GALNT18: variants seen among roughly 807,000 people sequenced by gnomAD.
GALNT18 encodes polypeptide N-acetylgalactosaminyltransferase 18.
GALNT18 carries 44 observed loss-of-function variants against 69.5 expected under a neutral mutation model. The observed-to-expected ratio is 0.63, with a 90% CI of 0.50 to 0.81. GALNT18 has a LOEUF of 0.81. GALNT18 is among the 40% of genes least tolerant of loss of function. GALNT18 has a pLI of 0.00. For synonymous variants in GALNT18, 364 were observed against 318.2 expected (o/e 1.14, Z -1.53); for missense variants, 715 against 810.0 (o/e 0.88, Z 1.42).
Position 11,271,224 on chromosome 11 carries a change from A to T in GALNT18, c.1744T>A (p.Phe582Ile). The T allele has an allele frequency of 6.2e-7, 1 of 1,614,096 alleles. No homozygotes were observed. The highest frequency in any genetic ancestry group is 8.5e-7 in the Non-Finnish European group (1 of 1,179,994). ...LELQENSDLEFGFQLVLQKCS... is the reference protein window; with the variant it reads ...LELQENSDLEIGFQLVLQKCS... ...TTCTGCAACACCAGCTGGAAGCCGAACTCCAGGTCGCTATTCTCCTGCAGC... is the reference window on the plus strand; with the variant it reads ...TTCTGCAACACCAGCTGGAAGCCGATCTCCAGGTCGCTATTCTCCTGCAGC... Residue 582 changes from phenylalanine to isoleucine, a missense_variant, in exon 11 of 11, where the codon TTC becomes ATC. Coordinates refer to ENST00000227756, the MANE Select transcript of GALNT18 (RefSeq NM_198516.3).
chr11:11,429,053 C>T (rs971605394), intron 3 of GALNT18, among the ~76,000 whole-genome samples: 6 of 152,192 alleles, frequency 3.9e-5, no homozygotes, highest in Admixed American at 1.3e-4. Context: ...GGAAAAATCT[C>T]CCCTCACTGC....
At chr11:11,390,590 G>T (rs551919980) in intron 3 of GALNT18, among the ~76,000 whole-genome samples, 2 of 152,164 alleles carry the variant, frequency 1.3e-5, no homozygotes, top group African/African-American at 4.8e-5. Flanking sequence ...CCTCAGCCTG[G>T]CTGATTCATG....
intron 7 of GALNT18, among the ~76,000 whole-genome samples, chr11:11,335,749 A>G (rs1850100275): frequency 6.6e-6 from 1 of 152,214 alleles, no homozygotes; most frequent in Non-Finnish European, 1.5e-5. Context: ...ACACACATAG[A>G]GACAAAGAGG....
At chr11:11,390,687 T>G (rs1564925038) in intron 3 of GALNT18, among the ~76,000 whole-genome samples, 1 of 152,204 alleles carries the variant, frequency 6.6e-6, no homozygotes, top group Non-Finnish European at 1.5e-5. Flanking sequence ...TTTTCTCTGC[T>G]TCAGAACACC....
chr11:11,578,193 G>A (rs73413624), intron 1 of GALNT18, among the ~76,000 whole-genome samples: 7,589 of 152,138 alleles, frequency 0.05, 626 homozygotes, highest in African/African-American at 0.17. Flanking sequence ...CATGGCATAA[G>A]GGCAGGGAGG....
intron 1 of GALNT18, among the ~76,000 whole-genome samples, chr11:11,451,038 A>T (rs1855783192): frequency 6.6e-6 from 1 of 152,198 alleles, no homozygotes; most frequent in Admixed American, 6.5e-5. Context: ...CATAAAAGCA[A>T]AGTCGGAAAA....
chr11:11,525,779 C>A (rs893750168), intron 1 of GALNT18, among the ~76,000 whole-genome samples: 1 of 151,758 alleles, frequency 6.6e-6, no homozygotes, highest in Non-Finnish European at 1.5e-5. Context: ...GGATTACAGG[C>A]GCCCGCCACC....
At chr11:11,599,089 A>G (rs1363724567) in intron 1 of GALNT18, among the ~76,000 whole-genome samples, 2 of 152,164 alleles carry the variant, frequency 1.3e-5, no homozygotes, top group South Asian at 2.1e-4. Flanking sequence ...GGAGTGAATT[A>G]TAAGTGTCTA....
At chr11:11,423,106 ACT>A (rs1855048546) in intron 3 of GALNT18, among the ~76,000 whole-genome samples, 1 of 152,158 alleles carries the variant, frequency 6.6e-6, no homozygotes, top group African/African-American at 2.4e-5. Context: ...CCACAAGCAC[ACT>A]CACACACAGA....
At chr11:11,479,588 G>GT (rs35949580) in intron 1 of GALNT18, among the ~76,000 whole-genome samples, 70,326 of 151,854 alleles carry the variant, frequency 0.46, 16,567 homozygotes, top group Admixed American at 0.57. Context: ...ACTATTTGAG[G>GT]TTTTTTAACT....
At chr11:11,556,755 G>T (rs933207054) in intron 1 of GALNT18, among the ~76,000 whole-genome samples, 2 of 152,194 alleles carry the variant, frequency 1.3e-5, no homozygotes, top group African/African-American at 4.8e-5. Flanking sequence ...TAGCTAACAG[G>T]AGTGGCTAAT....
At chr11:11,474,526 T>G (rs1590035480) in intron 1 of GALNT18, among the ~76,000 whole-genome samples, 1 of 152,116 alleles carries the variant, frequency 6.6e-6, no homozygotes, top group African/African-American at 2.4e-5. Flanking sequence ...TTCAAAAGAA[T>G]GAATGGAAGG....
At chr11:11,457,608 A>G (rs1281860903) in intron 1 of GALNT18, among the ~76,000 whole-genome samples, 1 of 152,176 alleles carries the variant, frequency 6.6e-6, no homozygotes, top group Non-Finnish European at 1.5e-5. Context: ...GCCACCCAGA[A>G]CGCAGCTCAC....
intron 1 of GALNT18, among the ~76,000 whole-genome samples, chr11:11,578,822 CA>C (rs1858997770): frequency 6.6e-6 from 1 of 152,224 alleles, no homozygotes. Context: ...CAATCCCAGC[CA>C]ACCTTTCCCT....
At chr11:11,516,783 T>C (rs1590066417) in intron 1 of GALNT18, among the ~76,000 whole-genome samples, 1 of 152,188 alleles carries the variant, frequency 6.6e-6, no homozygotes, top group Non-Finnish European at 1.5e-5. Flanking sequence ...TTCTCTACTA[T>C]TGGTTACTGT....
At chr11:11,491,859 C>T (rs77836392) in intron 1 of GALNT18, among the ~76,000 whole-genome samples, 19,996 of 152,144 alleles carry the variant, frequency 0.13, 1,693 homozygotes, top group South Asian at 0.2. Flanking sequence ...GCAAGACAAT[C>T]TCACTTGGCA....
At chr11:11,612,623 G>A (rs1457904444) in intron 1 of GALNT18, among the ~76,000 whole-genome samples, 1 of 152,176 alleles carries the variant, frequency 6.6e-6, no homozygotes, top group Non-Finnish European at 1.5e-5. Context: ...AGTTCCCAGG[G>A]GACAGAGATG....
chr11:11,314,792 C>T lies in GALNT18; in HGVS notation c.1512+12294G>A, dbSNP rs373966790. ...GAGTCAGTGCTGGTAGAGAAAGCAG[C>T]GCTGCTGGGTGGTAGCCCTCCTCTT... On this transcript the variant is annotated intron_variant, in intron 9 of 10. Coordinates refer to ENST00000227756, the MANE Select transcript of GALNT18 (RefSeq NM_198516.3). The surrounding 1 kb of genome is among the most constrained non-coding windows in gnomAD (Gnocchi z 5.2). Among the ~76,000 whole-genome samples the T allele has an allele frequency of 2.2e-4, 33 of 152,288 alleles. No individual in the cohort carries two copies. Among genetic ancestry groups the T allele is most frequent in the Admixed American group, 1.0e-3 (16 of 15,300 alleles).
rs1854332592 is a variant in GALNT18, at chr11:11,396,551, A to G, written c.596-17287T>C. On this transcript the variant is annotated intron_variant, in intron 3 of 10. Coordinates refer to ENST00000227756, the MANE Select transcript of GALNT18 (RefSeq NM_198516.3). The surrounding 1 kb of genome is among the most constrained non-coding windows in gnomAD (Gnocchi z 5.2). ...ACATAGCAACACGGACAGCTTGGTA[A>G]CAAACAAAGAAAATGGAAGCCAAGC... Among the ~76,000 whole-genome samples, 2 of 152,170 alleles carry G rather than the reference A, an allele frequency of 1.3e-5. No individual in the cohort carries two copies. Among genetic ancestry groups the G allele is most frequent in the African/African-American group, 4.8e-5 (2 of 41,446 alleles).
Sources: allele counts gnomAD v4.1 joint callset (sites outside exome capture counted in the v4.1 genomes callset), GRCh38; gene constraint gnomAD v4.1.1; non-coding constraint Gnocchi (gnomAD v3.1); transcripts MANE v1.5; gene names NCBI Gene and HGNC (gene_info 2026-07-23, HGNC 2026-07-21).